CCAR1: variants seen among roughly 807,000 people sequenced by gnomAD.
CCAR1 encodes the protein cell division cycle and apoptosis regulator protein 1.
Under a neutral mutation model 163.8 loss-of-function variants are expected in CCAR1, and 78 were observed. The ratio of observed to expected loss-of-function variants is 0.48; its 90% CI spans 0.40 to 0.57. CCAR1 has a LOEUF of 0.57. Ranked by LOEUF, CCAR1 falls within the 20% of genes least tolerant of loss-of-function variation. The pLI is 0.00. For missense variants in CCAR1, 1,019 were observed against 1,365.2 expected, an observed-to-expected ratio of 0.75 and a Z score of 4.00; for synonymous variants, 443 against 460.7, an observed-to-expected ratio of 0.96 and a Z score of 0.49.
chr10:68,736,144 C>T (rs373207375), intron 2 of CCAR1, among the ~76,000 whole-genome samples: 3 of 152,148 alleles, frequency 2.0e-5, no homozygotes, highest in East Asian at 3.8e-4. Context: ...TAAGCCACCA[C>T]CCCCAGCCAG....
In CCAR1 at chr10:68,747,472, C is replaced by G. The variant is rs2056271680; in HGVS notation, c.732C>G (p.Pro244=). 1 of 1,614,050 alleles carries G rather than the reference C, an allele frequency of 6.2e-7. No individual in the cohort carries two copies. The highest frequency in any genetic ancestry group is 1.7e-5 in the Admixed American group (1 of 60,018). The change falls in exon 8 of 25, where the codon CCC becomes CCG. Residue 244 remains proline, a synonymous_variant. Coordinates refer to ENST00000265872, the MANE Select transcript of CCAR1 (RefSeq NM_018237.4). ...TTGGTGTTCAGACTCAGCCCCAGCC[C>G]CAGTCACTGCTGCAGGCACAGATTT... ...TTFGVQTQPQ[P]QSLLQAQISA... is the part of the protein sequence containing the mutation.
chr10:68,738,148 C>T (rs554340348), intron 4 of CCAR1, among the ~76,000 whole-genome samples: 1 of 152,216 alleles, frequency 6.6e-6, no homozygotes, highest in African/African-American at 2.4e-5. Flanking sequence ...GGCGCAGTGG[C>T]TCATGCCTGT....
Position 68,737,065 on chromosome 10 carries a change from T to C in CCAR1, c.246+17T>C. On this transcript the variant is annotated intron_variant, in intron 3 of 24. Transcript: ENST00000265872. ...TTACAACAGGTAAATCTTTAATATG[T>C]CTTATTATTTGATGTAGAAAACTTT... 1.9e-6 allele frequency: 3 copies of C among 1,584,918 alleles called. No individual in the cohort carries two copies. The highest frequency in any genetic ancestry group is 3.4e-4 in the Middle Eastern group (2 of 5,966).
chr10:68,730,765 G>A (rs998473005), intron 2 of CCAR1, among the ~76,000 whole-genome samples: 14 of 152,090 alleles, frequency 9.2e-5, no homozygotes, highest in African/African-American at 2.9e-4. Flanking sequence ...AGTCACGCTC[G>A]CTGTAGCCTT....
intron 3 of CCAR1, among the ~76,000 whole-genome samples, chr10:68,737,392 C>T (rs1361637978): frequency 6.7e-6 from 1 of 150,342 alleles, no homozygotes; most frequent in Non-Finnish European, 1.5e-5. Context: ...GTCCCAGCTG[C>T]TTGGGAGGTT....
chr10:68,729,444 T>C (rs958727018), intron 2 of CCAR1, among the ~76,000 whole-genome samples: 1 of 151,886 alleles, frequency 6.6e-6, no homozygotes, highest in East Asian at 1.9e-4. Flanking sequence ...TAATTTTTTG[T>C]ATTTTTAGTA....
At position 68,767,904 on chromosome 10, in the gene CCAR1, T is replaced by C. The variant is rs149125895; in HGVS notation, c.2298+1825T>C. ...TTTTCAAAACAATTGAAAACTTTTA[T>C]CTTTAAGTGTAATTGCTTCACTCCT... On this transcript the variant is annotated intron_variant, in intron 17 of 24. Coordinates refer to ENST00000265872, the MANE Select transcript of CCAR1 (RefSeq NM_018237.4). 2.7e-3 allele frequency among the ~76,000 whole-genome samples: 414 copies of C among 152,364 alleles called. 3 individuals carry two copies. The highest frequency in any genetic ancestry group is 9.6e-3 in the African/African-American group (398 of 41,596).
At chr10:68,789,637 A>C (rs2056832101) in intron 23 of CCAR1, 73 bp from the exon 24 acceptor site, 1 of 877,180 alleles carries the variant, frequency 1.1e-6, no homozygotes, top group South Asian at 1.8e-5. Context: ...TTCACAGCTT[A>C]AATATTTTAA....
At chr10:68,787,430 TAATA>T (rs2056807822) in intron 21 of CCAR1, among the ~76,000 whole-genome samples, 2 of 152,216 alleles carry the variant, frequency 1.3e-5, no homozygotes, top group Non-Finnish European at 2.9e-5. Context: ...AACTATGCTG[TAATA>T]AATCATCCCT....
intron 13 of CCAR1, 101 bp downstream of exon 13, chr10:68,755,637 T>G: frequency 1.1e-6 from 1 of 947,168 alleles, no homozygotes; most frequent in Non-Finnish European, 1.5e-6. Context: ...TTAGCAACCC[T>G]GGTCAATGCA....
chr10:68,790,093 C>G lies in CCAR1; in HGVS notation c.3393+178C>G, dbSNP rs146442597. ...CACAGGCTGGGCACAGTGGCTCACA[C>G]CTGTAATCCCAGCACTTTGGGAGGC... is the stretch of plus-strand genomic sequence containing the variant. On this transcript the variant is annotated intron_variant, in intron 24 of 24. Coordinates refer to ENST00000265872, the MANE Select transcript of CCAR1 (RefSeq NM_018237.4). Among the ~76,000 whole-genome samples the G allele has an allele frequency of 2.1e-3, 322 of 152,216 alleles. 2 individuals carry two copies. The highest frequency in any genetic ancestry group is 7.5e-3 in the African/African-American group (312 of 41,538).
chr10:68,753,383 G>A (rs527394234), intron 10 of CCAR1, among the ~76,000 whole-genome samples: 21 of 152,258 alleles, frequency 1.4e-4, no homozygotes, highest in African/African-American at 4.6e-4. Flanking sequence ...TTGAATGTAA[G>A]TATGCTTGAT....
At chr10:68,784,961 C>T (rs12263120) in intron 19 of CCAR1, among the ~76,000 whole-genome samples, 10,781 of 146,230 alleles carry the variant, frequency 0.074, 1,147 homozygotes, top group African/African-American at 0.24. Flanking sequence ...TCTGTCACCC[C>T]GGCTGGAGTG....
chr10:68,748,690 A>G (rs560931216), intron 8 of CCAR1, among the ~76,000 whole-genome samples: 9 of 151,924 alleles, frequency 5.9e-5, no homozygotes, highest in Admixed American at 2.6e-4. Context: ...GGGTTTCACC[A>G]TGATGCCCAG....
intron 19 of CCAR1, 50 bp downstream of exon 19, chr10:68,773,149 T>C: frequency 1.0e-6 from 1 of 989,898 alleles, no homozygotes; most frequent in South Asian, 1.5e-5. Flanking sequence ...ATACATTTTT[T>C]GTTTGCTGAC....
At chr10:68,771,556 A>G (rs997419504) in intron 18 of CCAR1, 111 bp downstream of exon 18, 1 of 990,298 alleles carries the variant, frequency 1.0e-6, no homozygotes, top group Admixed American at 2.4e-5. Context: ...GAAAGATTTT[A>G]CTATATTAGA....
Position 68,785,862 on chromosome 10 carries a change from A to T in CCAR1, c.2651-274A>T, listed in dbSNP as rs182611167. 1.5e-3 allele frequency among the ~76,000 whole-genome samples: 222 copies of T among 152,246 alleles called. 1 individual carries two copies. The highest frequency in any genetic ancestry group is 5.1e-3 in the African/African-American group (210 of 41,546). On this transcript the variant is annotated intron_variant, in intron 19 of 24. Coordinates refer to ENST00000265872, the MANE Select transcript of CCAR1 (RefSeq NM_018237.4). ...TATAAATGGAATAACACGATAAGTG[A>T]TTTTTTTGTGACTGGCTTCTTTTAC...
intron 17 of CCAR1, 33 bp downstream of exon 17, chr10:68,766,112 A>G (rs2056531839): frequency 7.4e-7 from 1 of 1,357,176 alleles, no homozygotes; most frequent in South Asian, 1.2e-5. Flanking sequence ...AGATCCATAT[A>G]AGGTCCACAC....
chr10:68,730,798 C>T (rs1479240842), intron 2 of CCAR1, among the ~76,000 whole-genome samples: 2 of 152,080 alleles, frequency 1.3e-5, no homozygotes, highest in East Asian at 3.9e-4. Context: ...TCAGGTGATC[C>T]ACCCACTTCA....
Sources: allele counts gnomAD v4.1 joint callset (sites outside exome capture counted in the v4.1 genomes callset), GRCh38; gene constraint gnomAD v4.1.1; transcripts MANE v1.5; gene names NCBI Gene and HGNC (gene_info 2026-07-23, HGNC 2026-07-21).